Variants in TM9SF4 observed in about 807,000 individuals in gnomAD.
The protein encoded by TM9SF4 is dinucleotide oxidase disulfide thiol exchanger 3 superfamily member 4.
Under a neutral mutation model 90.4 loss-of-function variants are expected in TM9SF4, and 26 were observed. The observed-to-expected ratio is 0.29, with a 90% CI of 0.21 to 0.40. The LOEUF is 0.40. Among genes scored for constraint, TM9SF4 ranks in the 10% least tolerant of loss-of-function variants. The pLI, the probability that TM9SF4 is intolerant of heterozygous loss-of-function variation, is 1.00. For missense variants in TM9SF4, 549 were observed against 834.8 expected (o/e 0.66, Z 4.22); for synonymous variants, 293 against 315.4 (o/e 0.93, Z 0.75).
rs1165240152 is a variant in TM9SF4, at chr20:32,123,866, A to AT, written c.16-9136dup. Among the ~76,000 whole-genome samples, 144 of 93,962 alleles carry AT rather than the reference A, an allele frequency of 1.5e-3. 3 individuals carry two copies. Among genetic ancestry groups the AT allele is most frequent in the African/African-American group, 5.1e-3 (112 of 21,986 alleles). 61.6% of individuals were successfully genotyped at this position (93,962 alleles called of 152,430 possible). A position where few individuals can be genotyped will look rare whatever the true frequency, so the allele number is the denominator to read the frequency against. On this transcript the variant is annotated intron_variant, in intron 1 of 17. Transcript: ENST00000398022. The stretch of plus-strand genomic sequence containing the variant: ...CTCTCATATATATATATATATATAT[A>AT]TTTTTTTTTTTAAAGAGATAGGGTC...
At chr20:32,151,998 AC>A (rs1600330000) in intron 12 of TM9SF4, among the ~76,000 whole-genome samples, 1 of 150,850 alleles carries the variant, frequency 6.6e-6, no homozygotes, top group East Asian at 1.9e-4. Flanking sequence ...AGTAGCTGGG[AC>A]TACAGGTGCC....
intron 1 of TM9SF4, among the ~76,000 whole-genome samples, chr20:32,122,899 G>C (rs1412008607): frequency 2.6e-5 from 4 of 151,986 alleles, no homozygotes; most frequent in Non-Finnish European, 5.9e-5. Flanking sequence ...GAGTGAACCA[G>C]ACTCCGTCTG....
rs141910338 is a variant in TM9SF4, at chr20:32,149,129, A to G, written c.955-505A>G. Among the ~76,000 whole-genome samples, 957 of 152,362 alleles carry G rather than the reference A, an allele frequency of 6.3e-3. 12 individuals are homozygous for G. The highest frequency in any genetic ancestry group is 0.022 in the African/African-American group (904 of 41,580). Reference sequence around the variant, plus strand: ...ATACATAAAAGGTTAAAGGAATTATATCAAAACAGTGTTATTAAGTGGGAG... The same window carrying G: ...ATACATAAAAGGTTAAAGGAATTATGTCAAAACAGTGTTATTAAGTGGGAG... On this transcript the variant is annotated intron_variant, in intron 9 of 17. Transcript: ENST00000398022.
intron 1 of TM9SF4, among the ~76,000 whole-genome samples, chr20:32,123,143 TGAGAGGGAGACCATGAG>T (rs2046352741): frequency 9.1e-6 from 1 of 109,682 alleles, no homozygotes. Flanking sequence ...CGGCTCGGCA[TGAGAGGGAGACCATGAG>T]GAGAGGGAGA....
intron 12 of TM9SF4, among the ~76,000 whole-genome samples, chr20:32,153,515 G>A (rs1230626943): frequency 6.6e-6 from 1 of 152,208 alleles, no homozygotes; most frequent in African/African-American, 2.4e-5. Context: ...TTGGGAGGCC[G>A]AGGCAGGAGG....
At chr20:32,118,497 T>C (rs1011631528) in intron 1 of TM9SF4, among the ~76,000 whole-genome samples, 1 of 122,640 alleles carries the variant, frequency 8.2e-6, no homozygotes, top group African/African-American at 2.9e-5. Flanking sequence ...GGTGGAATCA[T>C]AGCTCACTCT....
At chr20:32,125,909 A>G (rs1040827073) in intron 1 of TM9SF4, among the ~76,000 whole-genome samples, 4 of 151,898 alleles carry the variant, frequency 2.6e-5, no homozygotes, top group East Asian at 1.9e-4. Context: ...GGCTCAAGCA[A>G]TCCACCCACC....
intron 2 of TM9SF4, among the ~76,000 whole-genome samples, chr20:32,133,557 G>A (rs1159329169): frequency 2.0e-5 from 3 of 152,046 alleles, no homozygotes; most frequent in Non-Finnish European, 4.4e-5. Context: ...CATTGTGAAC[G>A]TCTCTTTTCC....
rs1452569044 is a variant in TM9SF4, at chr20:32,133,011, A to G, written c.16-2A>G. On this transcript the variant is annotated splice_acceptor_variant, in intron 1 of 17. Coordinates refer to ENST00000398022, the MANE Select transcript of TM9SF4 (RefSeq NM_014742.4). LOFTEE classifies it high-confidence loss of function. Reference sequence around the variant, plus strand: ...TCCAACCCTGGCCTCTCTTCTGAGCAGGATTGGTTGCCGTGGTCTTTACTG... The same window carrying G: ...TCCAACCCTGGCCTCTCTTCTGAGCGGGATTGGTTGCCGTGGTCTTTACTG... The G allele has an allele frequency of 6.2e-7, 1 of 1,613,740 alleles. No homozygotes were observed. Among genetic ancestry groups the G allele is most frequent in the African/African-American group, 1.3e-5 (1 of 74,904 alleles).
chr20:32,159,882 C>T (rs2046988982), intron 15 of TM9SF4, 110 bp from the exon 16 acceptor site: 2 of 1,497,854 alleles, frequency 1.3e-6, no homozygotes, highest in Non-Finnish European at 1.8e-6. Context: ...CCCACGGGCC[C>T]TGATGGTGTC....
chr20:32,149,360 AC>A (rs981715038), intron 9 of TM9SF4, among the ~76,000 whole-genome samples: 52 of 152,364 alleles, frequency 3.4e-4, no homozygotes, highest in African/African-American at 1.2e-3. Context: ...CTTACAGTTG[AC>A]ATTTTAGTGA....
Position 32,146,860 on chromosome 20 carries a change from G to C in TM9SF4, c.954+5G>C. On this transcript the variant is annotated splice_donor_5th_base_variant and intron_variant, in intron 9 of 17. Coordinates refer to ENST00000398022, the MANE Select transcript of TM9SF4 (RefSeq NM_014742.4). ...TACAACAAGGAGGATGACATTGTACGAGGTCTTGGCTGGGGAGGGATGAAG... is the reference window on the plus strand; with the variant it reads ...TACAACAAGGAGGATGACATTGTACCAGGTCTTGGCTGGGGAGGGATGAAG... 2 of 1,613,460 alleles carry C rather than the reference G, an allele frequency of 1.2e-6. No individual in the cohort carries two copies. Among genetic ancestry groups the C allele is most frequent in the Non-Finnish European group, 1.7e-6 (2 of 1,179,738 alleles).
chr20:32,150,450 T>C (rs1196343894), intron 10 of TM9SF4, among the ~76,000 whole-genome samples, 172 bp from the exon 11 acceptor site: 9 of 152,168 alleles, frequency 5.9e-5, no homozygotes, highest in Non-Finnish European at 1.2e-4. Flanking sequence ...AGTCTTCCCC[T>C]GTAGAGGGTA....
intron 1 of TM9SF4, among the ~76,000 whole-genome samples, chr20:32,112,619 G>A (rs1177768460): frequency 3.3e-5 from 5 of 151,856 alleles, no homozygotes; most frequent in South Asian, 2.1e-4. Context: ...GCTTGAACCC[G>A]GGAGGCGGAG....
intron 1 of TM9SF4, among the ~76,000 whole-genome samples, chr20:32,126,217 G>C (rs2122352197): frequency 6.6e-6 from 1 of 152,184 alleles, no homozygotes; most frequent in East Asian, 1.9e-4. Flanking sequence ...GCTACTCATA[G>C]GATGGTCCAT....
chr20:32,141,734 G>A (rs373010226), intron 4 of TM9SF4, 32 bp from the exon 5 acceptor site: 20 of 1,613,370 alleles, frequency 1.2e-5, no homozygotes, highest in Non-Finnish European at 1.4e-5. Flanking sequence ...AGAGGCGGTC[G>A]AGAGGGACTG....
intron 17 of TM9SF4, among the ~76,000 whole-genome samples, chr20:32,163,606 A>ATTT (rs397866148): frequency 8.1e-5 from 8 of 99,354 alleles, no homozygotes; most frequent in Non-Finnish European, 1.1e-4. Context: ...TGTGCTAGGA[A>ATTT]TTTTTTTTTT....
At chr20:32,163,138 C>A (rs996872068) in intron 17 of TM9SF4, among the ~76,000 whole-genome samples, 1 of 150,054 alleles carries the variant, frequency 6.7e-6, no homozygotes, top group African/African-American at 2.5e-5. Context: ...CCCAGCTACT[C>A]AGGAGGCTGA....
At chr20:32,111,851 A>T (rs1293156282) in intron 1 of TM9SF4, among the ~76,000 whole-genome samples, 2 of 152,234 alleles carry the variant, frequency 1.3e-5, no homozygotes, top group East Asian at 3.8e-4. Flanking sequence ...GGGCCGAAGC[A>T]TGATGAGGGT....
Sources: gnomAD v4.1 joint callset for allele counts (sites outside exome capture counted in the v4.1 genomes callset) on GRCh38, gnomAD v4.1.1 for gene constraint, MANE v1.5 for transcripts, NCBI Gene and HGNC (gene_info 2026-07-23, HGNC 2026-07-21) for gene names.